Variants in THAP4 observed in about 807,000 individuals in gnomAD.
THAP4 encodes the protein peroxynitrite isomerase THAP4.
THAP4 carries 18 observed loss-of-function variants against 48.1 expected under a neutral mutation model. The observed-to-expected ratio is 0.37, with a 90% CI of 0.26 to 0.56. THAP4 has a LOEUF of 0.56. Ranked by LOEUF, THAP4 falls within the 20% of genes least tolerant of loss-of-function variation. The pLI is 0.78. For missense variants in THAP4, 656 were observed against 774.9 expected, an observed-to-expected ratio of 0.85 and a Z score of 1.82; for synonymous variants, 345 against 324.9, an observed-to-expected ratio of 1.06 and a Z score of -0.66.
chr2:241,624,702 T>G (rs2067474676), intron 2 of THAP4, among the ~76,000 whole-genome samples: 1 of 152,222 alleles, frequency 6.6e-6, no homozygotes, highest in Non-Finnish European at 1.5e-5. Context: ...AATTATTAAC[T>G]CTACCCCATT....
Position 241,610,414 on chromosome 2 carries a change from AGGGCGGAGGCT to A in THAP4, c.1241-3952_1241-3942del, listed in dbSNP as rs1183964444. 6.6e-6 allele frequency among the ~76,000 whole-genome samples: 1 copy of A among 152,152 alleles called. No homozygotes were observed. The highest frequency in any genetic ancestry group is 1.5e-5 in the Non-Finnish European group (1 of 68,018). On this transcript the variant is annotated intron_variant, in intron 2 of 5. Coordinates refer to ENST00000407315, the MANE Select transcript of THAP4 (RefSeq NM_015963.6). The surrounding 1 kb of genome is among the most constrained non-coding windows in gnomAD (Gnocchi z 4.2). ...CTGTTTGGGGAGCGGCAGAGGAGTC[AGGGCGGAGGCT>A]GGGCGGCGCTGGGCGGTGGGGCGCG... is the stretch of plus-strand genomic sequence containing the variant.
intron 2 of THAP4, among the ~76,000 whole-genome samples, chr2:241,607,228 C>G (rs2067194858): frequency 6.6e-6 from 1 of 152,114 alleles, no homozygotes; most frequent in Admixed American, 6.5e-5. Context: ...AGTGACAGGA[C>G]AGCAGGGAGG....
intron 2 of THAP4, among the ~76,000 whole-genome samples, chr2:241,611,533 G>A (rs2067276518): frequency 6.6e-6 from 1 of 152,156 alleles, no homozygotes; most frequent in South Asian, 2.1e-4. Flanking sequence ...GACCAGCCTG[G>A]CCAACATGGT....
Position 241,602,801 on chromosome 2 carries a change from GTCGGCCCCGC to G in THAP4, c.1510+159_1510+168del, listed in dbSNP as rs1333030805. On this transcript the variant is annotated intron_variant, in intron 4 of 5. Transcript: ENST00000407315. ...TGCCGGAGGCCCCTACAGCTACACAGTCGGCCCCGCAGGCTCCCAGGACCACTCTCAACAC... is the reference window on the plus strand; with the variant it reads ...TGCCGGAGGCCCCTACAGCTACACAGAGGCTCCCAGGACCACTCTCAACAC... Among the ~76,000 whole-genome samples, 4 of 152,358 alleles carry G rather than the reference GTCGGCCCCGC, an allele frequency of 2.6e-5. No individual in the cohort carries two copies. The East Asian group carries it at 7.7e-4, about 29-fold the overall frequency.
At chr2:241,592,469 G>A (rs561774557) in intron 5 of THAP4, among the ~76,000 whole-genome samples, 1 of 152,228 alleles carries the variant, frequency 6.6e-6, no homozygotes, top group Admixed American at 6.5e-5. Context: ...CTGTCCCTGG[G>A]GCAAGCTGGC....
At chr2:241,636,771 CCCAGAGACGGCGGCCGGG>C (rs1328789507) in intron 1 of THAP4, among the ~76,000 whole-genome samples, 152 bp downstream of exon 1, 4 of 150,026 alleles carry the variant, frequency 2.7e-5, no homozygotes, top group Non-Finnish European at 4.5e-5. Flanking sequence ...AGGCGCCCGG[CCCAGAGACGGCGGCCGGG>C]CCAAGGTCAC....
intron 2 of THAP4, among the ~76,000 whole-genome samples, chr2:241,619,918 G>T (rs1260519659): frequency 1.9e-5 from 2 of 105,296 alleles, no homozygotes; most frequent in Admixed American, 9.0e-5. Context: ...GGTGAATGAG[G>T]GGTGAGTGAG....
intron 2 of THAP4, among the ~76,000 whole-genome samples, chr2:241,615,442 T>C (rs2067327785): frequency 6.6e-6 from 1 of 152,256 alleles, no homozygotes; most frequent in South Asian, 2.1e-4. Flanking sequence ...ACTATGTTAC[T>C]GCAGCACAGG....
intron 4 of THAP4, chr2:241,602,265 C>CCTCCCACCTCCACCCACCAA: frequency 5.7e-6 from 3 of 527,868 alleles, no homozygotes; most frequent in Non-Finnish European, 6.8e-6. Context: ...ACCAATCAGC[C>CCTCCCACCTCCACCCACCAA]TGGCAGAACC....
chr2:241,615,306 T>C (rs1171358528), intron 2 of THAP4, among the ~76,000 whole-genome samples: 1 of 152,158 alleles, frequency 6.6e-6, no homozygotes, highest in African/African-American at 2.4e-5. Context: ...CCTAGGAGCT[T>C]GTGTTTCACT....
In THAP4 at chr2:241,633,342, C is replaced by T; in HGVS notation, c.815G>A (p.Ser272Asn). The change falls in exon 2 of 6, where the codon AGC becomes AAC. Residue 272 changes from serine to asparagine, a missense_variant. Physicochemically the swap from Ser to Asn is conservative, Grantham distance 46. Transcript: ENST00000407315. This position sits in a 1 kb window ranked among gnomAD's most constrained non-coding sequence, Gnocchi z 7.5. ...KKDVEPSCSG[S>N]SLGPDKGLAQ... is the part of the protein sequence containing the mutation. ...CAGGCCCTTGTCGGGTCCCAGGCTG[C>T]TCCCACTGCAGCTTGGTTCCACATC... is the stretch of plus-strand genomic sequence containing the variant. 1 of 1,612,668 alleles carries T rather than the reference C, an allele frequency of 6.2e-7. No individual in the cohort carries two copies. The highest frequency in any genetic ancestry group is 8.5e-7 in the Non-Finnish European group (1 of 1,179,990).
At chr2:241,605,881 C>T (rs2067176994) in intron 3 of THAP4, among the ~76,000 whole-genome samples, 1 of 152,036 alleles carries the variant, frequency 6.6e-6, no homozygotes, top group South Asian at 2.1e-4. Flanking sequence ...CCACACCTGG[C>T]TAAATACTTT....
At chr2:241,611,517 G>A (rs1166948337) in intron 2 of THAP4, among the ~76,000 whole-genome samples, 1 of 152,218 alleles carries the variant, frequency 6.6e-6, no homozygotes, top group African/African-American at 2.4e-5. Context: ...GAGGTCAGGA[G>A]TTCGAGACCA....
At chr2:241,607,453 C>T (rs1340188043) in intron 2 of THAP4, among the ~76,000 whole-genome samples, 4 of 151,906 alleles carry the variant, frequency 2.6e-5, no homozygotes, top group South Asian at 4.2e-4. Flanking sequence ...CCATCAGGGG[C>T]GCTGGAAGAG....
At chr2:241,614,838 G>A (rs1341088431) in intron 2 of THAP4, among the ~76,000 whole-genome samples, 1 of 152,110 alleles carries the variant, frequency 6.6e-6, no homozygotes, top group African/African-American at 2.4e-5. Context: ...GCGGTGAGCC[G>A]AGATTGCACC....
At chr2:241,585,754 G>A (rs1331452584) in intron 5 of THAP4, among the ~76,000 whole-genome samples, 1 of 151,672 alleles carries the variant, frequency 6.6e-6, no homozygotes, top group Admixed American at 6.6e-5. Context: ...GTCCATCTAG[G>A]AGGAGAGGCG....
At chr2:241,614,465 GAGAA>G (rs1198765250) in intron 2 of THAP4, among the ~76,000 whole-genome samples, 5 of 152,176 alleles carry the variant, frequency 3.3e-5, no homozygotes, top group African/African-American at 1.2e-4. Context: ...AAGATGTCGA[GAGAA>G]AGAAACTAAA....
At chr2:241,606,241 C>T in intron 3 of THAP4, 73 bp downstream of exon 3, 3 of 1,362,700 alleles carry the variant, frequency 2.2e-6, no homozygotes. Flanking sequence ...TGTCTTTGAT[C>T]AGTCTGGAAT....
Position 241,633,885 on chromosome 2 carries a change from T to C in THAP4, c.272A>G (p.Lys91Arg), listed in dbSNP as rs762645050. 2 of 1,613,786 alleles carry C rather than the reference T, an allele frequency of 1.2e-6. No individual in the cohort carries two copies. Among genetic ancestry groups the C allele is most frequent in the East Asian group, 2.2e-5 (1 of 44,884 alleles). Residue 91 changes from lysine (K) to arginine (R), a missense_variant, in exon 2 of 6, where the codon AAG becomes AGG. This residue lies in a region of THAP4 where 391 missense variants were observed against 412.4 expected (regional missense o/e 0.95). Transcript: ENST00000407315. This position sits in a 1 kb window ranked among gnomAD's most constrained non-coding sequence, Gnocchi z 7.5. ...VPSIFHLTEKKRGAGGHGRTR... is the reference protein window; with the variant it reads ...VPSIFHLTEKRRGAGGHGRTR... The stretch of plus-strand genomic sequence containing the variant: ...GCGGCCATGGCCTCCAGCCCCCCTC[T>C]TCTTCTCGGTCAGGTGGAAGATGGA...
Sources: allele counts gnomAD v4.1 joint callset (sites outside exome capture counted in the v4.1 genomes callset), GRCh38; gene constraint gnomAD v4.1.1; regional missense constraint gnomAD v4.1.1; non-coding constraint Gnocchi (gnomAD v3.1); transcripts MANE v1.5; gene names NCBI Gene and HGNC (gene_info 2026-07-23, HGNC 2026-07-21).